The following CRHR2 variants were observed in gnomAD, a reference collection of about 807,000 sequenced individuals.
The protein encoded by CRHR2 is corticotropin-releasing hormone receptor 2.
Under a neutral mutation model 57.9 loss-of-function variants are expected in CRHR2, and 53 were observed. That is an observed-to-expected ratio of 0.92 (90% CI 0.73 to 1.15). The LOEUF is 1.15. Among genes scored for constraint, CRHR2 ranks in the 50% most tolerant of loss-of-function variants. The probability of loss-of-function intolerance (pLI) is 0.00; values close to 1 mark genes in which losing one functional copy is unlikely to be tolerated. For missense variants in CRHR2, 532 were observed against 542.6 expected, an observed-to-expected ratio of 0.98 and a Z score of 0.19; for synonymous variants, 213 against 220.9, an observed-to-expected ratio of 0.96 and a Z score of 0.32.
intron 6 of CRHR2, 29 bp downstream of exon 6, chr7:30,662,665 C>G (rs757513114): frequency 1.2e-6 from 2 of 1,605,396 alleles, no homozygotes; most frequent in South Asian, 1.1e-5. Flanking sequence ...CTCCCCCCAA[C>G]TAGGCCCTGC....
chr7:30,697,446 G>A (rs181187267), intron 1 of CRHR2, among the ~76,000 whole-genome samples: 2 of 152,236 alleles, frequency 1.3e-5, no homozygotes, highest in East Asian at 1.9e-4. Flanking sequence ...CCACCTTCCC[G>A]GTGTTTGAGT....
In CRHR2 at chr7:30,682,241, A is replaced by C. The variant is rs1784741255; in HGVS notation, c.40T>G (p.Cys14Gly). 1 of 1,589,498 alleles carries C rather than the reference A, an allele frequency of 6.3e-7. No homozygotes were observed. Among genetic ancestry groups the C allele is most frequent in the South Asian group, 1.1e-5 (1 of 88,372 alleles). ...ALLHSLLEAN[C>G]SLALAEELLL... ...AGCTCTTCAGCCAGCGCCAGGCTGCAGTTGGCCTCCAGCAGGCTGTGGAGC... is the reference window on the plus strand; with the variant it reads ...AGCTCTTCAGCCAGCGCCAGGCTGCCGTTGGCCTCCAGCAGGCTGTGGAGC... Residue 14 changes from cysteine to glycine, a missense_variant, in exon 1 of 12, where the codon TGC (cysteine) becomes GGC (glycine). Coordinates refer to ENST00000471646, the MANE Select transcript of CRHR2 (RefSeq NM_001883.5).
At chr7:30,664,449 A>T (rs1784113285) in intron 5 of CRHR2, among the ~76,000 whole-genome samples, 1 of 152,198 alleles carries the variant, frequency 6.6e-6, no homozygotes, top group Admixed American at 6.5e-5. Flanking sequence ...GGGGAAAATG[A>T]TCCCTGCTGG....
chr7:30,688,326 C>T (rs1406685582), intron 2 of CRHR2, among the ~76,000 whole-genome samples: 2 of 152,150 alleles, frequency 1.3e-5, no homozygotes, highest in Non-Finnish European at 2.9e-5. Context: ...CTGCTCAAGC[C>T]CCCAGTCTGT....
At chr7:30,679,010 T>C (rs999621557) in intron 2 of CRHR2, among the ~76,000 whole-genome samples, 4 of 152,156 alleles carry the variant, frequency 2.6e-5, no homozygotes, top group Non-Finnish European at 4.4e-5. Context: ...CTGACCTCCA[T>C]GCCCCTCCCC....
chr7:30,694,241 G>T (rs577450965), intron 1 of CRHR2, among the ~76,000 whole-genome samples: 3 of 152,168 alleles, frequency 2.0e-5, no homozygotes, highest in Non-Finnish European at 2.9e-5. Flanking sequence ...TCTGAACTTT[G>T]CTCTGAGCCT....
intron 2 of CRHR2, among the ~76,000 whole-genome samples, chr7:30,668,528 A>G (rs113763467): frequency 1.1e-4 from 16 of 152,176 alleles, no homozygotes; most frequent in African/African-American, 3.9e-4. Flanking sequence ...CTTGCAGAGC[A>G]CAGAGTTGCA....
chr7:30,678,473 A>T (rs746177299), intron 2 of CRHR2, among the ~76,000 whole-genome samples: 7 of 152,122 alleles, frequency 4.6e-5, no homozygotes, highest in Non-Finnish European at 7.3e-5. Flanking sequence ...ACTGACTAAC[A>T]TGTGTGGCCA....
At chr7:30,658,210 C>T (rs1342557920) in intron 8 of CRHR2, among the ~76,000 whole-genome samples, 3 of 152,228 alleles carry the variant, frequency 2.0e-5, no homozygotes, top group Non-Finnish European at 4.4e-5. Flanking sequence ...TCCGGCTTTC[C>T]ATTCTTGGAC....
chr7:30,697,715 C>T (rs1213486484), intron 1 of CRHR2, among the ~76,000 whole-genome samples: 3 of 152,198 alleles, frequency 2.0e-5, no homozygotes, highest in Non-Finnish European at 2.9e-5. Context: ...CCATACAGCT[C>T]TGCAGTCTCC....
At chr7:30,661,762 C>A (rs1407819030) in intron 7 of CRHR2, among the ~76,000 whole-genome samples, 1 of 152,078 alleles carries the variant, frequency 6.6e-6, no homozygotes, top group Middle Eastern at 3.2e-3. Context: ...GAAAAAAAAA[C>A]AAGCTCTGTT....
At chr7:30,693,628 T>A (rs1249210017) in intron 1 of CRHR2, among the ~76,000 whole-genome samples, 1 of 152,160 alleles carries the variant, frequency 6.6e-6, no homozygotes, top group East Asian at 1.9e-4. Flanking sequence ...AAAGAGAGGG[T>A]CATGGGAACT....
At chr7:30,672,355 T>G (rs1019314123) in intron 2 of CRHR2, among the ~76,000 whole-genome samples, 6 of 152,250 alleles carry the variant, frequency 3.9e-5, no homozygotes, top group Admixed American at 3.9e-4. Flanking sequence ...GAAGTTTACC[T>G]TATTTTGTAC....
chr7:30,654,487 C>T (rs1783699312), intron 11 of CRHR2, among the ~76,000 whole-genome samples: 1 of 152,224 alleles, frequency 6.6e-6, no homozygotes, highest in Non-Finnish European at 1.5e-5. Context: ...CTGCTCTTTG[C>T]TCCATGTCCT....
intron 8 of CRHR2, among the ~76,000 whole-genome samples, 187 bp downstream of exon 8, chr7:30,660,386 C>T (rs957969541): frequency 6.1e-4 from 93 of 152,320 alleles, no homozygotes; most frequent in African/African-American, 2.1e-3. Context: ...GCCAGGGCAT[C>T]GAGCATGAGG....
rs968438152 is a variant in CRHR2 at position 30,689,084 on chromosome 7, C to T, written c.-167+107G>A. 8 of 1,002,680 alleles carry T rather than the reference C, an allele frequency of 8.0e-6. No individual in the cohort carries two copies. In the African/African-American group the frequency reaches 1.1e-4, roughly 14 times the overall value. The allele number at this position is 1,002,680 out of a possible 1,614,324, so 62.1% of individuals were successfully genotyped here. On this transcript the variant is annotated intron_variant, in intron 2 of 13. Transcript: ENST00000341843. ...ACCAGGACTGGAAACCAGCACCCCA[C>T]CCACCACCCTGCTGAGCCTGGGCTG...
Position 30,682,192 on chromosome 7 carries a change from G to C in CRHR2, c.89C>G (p.Pro30Arg), listed in dbSNP as rs1406338393. The C allele has an allele frequency of 1.9e-6, 3 of 1,584,964 alleles. No homozygotes were observed. The highest frequency in any genetic ancestry group is 2.6e-6 in the Non-Finnish European group (3 of 1,173,936). The change falls in exon 1 of 12, where the codon CCC becomes CGC. Residue 30 changes from proline (P) to arginine (R), a missense_variant. Transcript: ENST00000471646. The stretch of plus-strand genomic sequence containing the variant: ...CTCCCGCCTACCCTCGGGGTCCAGG[G>C]GTGGCCCCCAGCCGTCCAAGAGCAG... ...EELLLDGWGP[P>R]LDPEGPYSYC...
intron 2 of CRHR2, among the ~76,000 whole-genome samples, chr7:30,676,948 C>A (rs1398069143): frequency 6.6e-6 from 1 of 152,234 alleles, no homozygotes; most frequent in Non-Finnish European, 1.5e-5. Context: ...CAGCCATTCC[C>A]AGTAGGACAT....
intron 3 of CRHR2, 122 bp downstream of exon 3, chr7:30,667,106 G>T: frequency 1.2e-6 from 1 of 815,642 alleles, no homozygotes; most frequent in Non-Finnish European, 2.0e-6. Flanking sequence ...GGGGCAGGAG[G>T]TACAGAAGGG....
Sources: gnomAD v4.1 joint callset for allele counts (sites outside exome capture counted in the v4.1 genomes callset) on GRCh38, gnomAD v4.1.1 for gene constraint, MANE v1.5 for transcripts, NCBI Gene and HGNC (gene_info 2026-07-23, HGNC 2026-07-21) for gene names.